Variants in EPB41L1 observed in about 807,000 individuals in gnomAD.
EPB41L1 encodes the protein erythrocyte membrane protein band 4.1 like 1.
EPB41L1 carries 29 observed loss-of-function variants against 97.8 expected under a neutral mutation model. The observed-to-expected ratio is 0.30, with a 90% CI of 0.22 to 0.40. EPB41L1 has a LOEUF of 0.40. EPB41L1 is among the 10% of genes least tolerant of loss of function. EPB41L1 has a pLI of 1.00. For synonymous variants in EPB41L1, 383 were observed against 459.2 expected (o/e 0.83, Z 2.12); for missense variants, 812 against 1,162.3 (o/e 0.70, Z 4.38).
chr20:36,186,463 G>A (rs535955399), intron 7 of EPB41L1, among the ~76,000 whole-genome samples: 16 of 152,262 alleles, frequency 1.1e-4, no homozygotes, highest in Admixed American at 5.2e-4. Flanking sequence ...GATCGTGTAC[G>A]TGGGGAAGAG....
At chr20:36,197,743 G>C in intron 13 of EPB41L1, 116 bp from the exon 14 acceptor site, 5 of 1,593,430 alleles carry the variant, frequency 3.1e-6, no homozygotes, top group Non-Finnish European at 3.4e-6. Context: ...AGGTCAGAGT[G>C]GGAATAACGT....
Position 36,218,883 on chromosome 20 carries a change from G to C in EPB41L1, c.2276G>C (p.Ser759Thr), listed in dbSNP as rs148049431. ...TETISTTMEN[S>T]LKSGKGAAAM... ...GCACTATTGTTTCCCCAGGAGAACA[G>C]TCTCAAGTCCGGGAAGGGGGCAGCT... is the stretch of plus-strand genomic sequence containing the variant. The change falls in exon 18 of 22, where the codon AGT (serine) becomes ACT (threonine). Residue 759 changes from serine to threonine, a missense_variant. Physicochemically the swap from Ser to Thr is moderately conservative, Grantham distance 58. Around this residue, in one of 3 missense-constraint regions of EPB41L1, gnomAD observed 498 missense variants for 622.7 expected, o/e 0.80. Coordinates refer to ENST00000338074, the MANE Select transcript of EPB41L1 (RefSeq NM_012156.2). 1.2e-6 allele frequency: 2 copies of C among 1,614,160 alleles called. No homozygotes were observed. The highest frequency in any genetic ancestry group is 1.1e-5 in the South Asian group (1 of 91,084).
upstream of EPB41L1, among the ~76,000 whole-genome samples, chr20:36,154,055 C>A (rs1206095738): frequency 6.6e-6 from 1 of 152,202 alleles, no homozygotes; most frequent in Admixed American, 6.5e-5. The surrounding 1 kb of genome is among the most constrained non-coding windows in gnomAD (Gnocchi z 5.5). Context: ...CACTGTTACA[C>A]TTACTGTCAT....
intron 1 of EPB41L1, among the ~76,000 whole-genome samples, chr20:36,106,369 G>A (rs140081374): frequency 3.9e-5 from 6 of 152,316 alleles, no homozygotes; most frequent in East Asian, 3.9e-4. Flanking sequence ...GCTGAGCCTC[G>A]GGGTAGGCCC....
At chr20:36,160,446 A>C (rs986824102) in intron 1 of EPB41L1, among the ~76,000 whole-genome samples, 1 of 152,100 alleles carries the variant, frequency 6.6e-6, no homozygotes, top group African/African-American at 2.4e-5. Flanking sequence ...TTAGCCGGGC[A>C]TGGTGGCTGG....
chr20:36,107,181 G>A (rs185916336), intron 1 of EPB41L1, among the ~76,000 whole-genome samples: 24 of 147,460 alleles, frequency 1.6e-4, no homozygotes, highest in Admixed American at 1.4e-4. Context: ...CAAACTATGC[G>A]TGTTTGGAAA....
At chr20:36,196,920 A>G (rs1357256929) in intron 13 of EPB41L1, among the ~76,000 whole-genome samples, 1 of 152,210 alleles carries the variant, frequency 6.6e-6, no homozygotes, top group Admixed American at 6.5e-5. Context: ...GTCATGCTGC[A>G]CTGGCTGGGA....
intron 2 of EPB41L1, among the ~76,000 whole-genome samples, chr20:36,114,611 G>A (rs2058527364): frequency 6.6e-6 from 1 of 152,138 alleles, no homozygotes; most frequent in South Asian, 2.1e-4. Flanking sequence ...ACCAAAAAAT[G>A]ACTTTAGTGG....
intron 2 of EPB41L1, among the ~76,000 whole-genome samples, chr20:36,129,898 G>A (rs570615053): frequency 2.0e-5 from 3 of 151,700 alleles, no homozygotes; most frequent in Non-Finnish European, 2.9e-5. Flanking sequence ...CAGAGTAGCC[G>A]GGATTACAGA....
chr20:36,232,627 C>T lies in EPB41L1; in HGVS notation c.*3287C>T. 2.5e-6 allele frequency: 1 copy of T among 397,972 alleles called. No individual in the cohort carries two copies. The highest frequency in any genetic ancestry group is 3.6e-5 in the East Asian group (1 of 28,068). 24.7% of individuals were successfully genotyped at this position (397,972 alleles called of 1,614,324 possible). A position where few individuals can be genotyped will look rare whatever the true frequency, so the allele number is the denominator to read the frequency against. ...CATCACTCGAAATAATTTTTTTTTT[C>T]AAAAGCACCTTAACAACCAATTGCG... On this transcript the variant is annotated 3_prime_UTR_variant, in exon 22 of 22. Transcript: ENST00000338074.
At chr20:36,144,362 G>T (rs902931640) in intron 2 of EPB41L1, among the ~76,000 whole-genome samples, 1 of 152,164 alleles carries the variant, frequency 6.6e-6, no homozygotes, top group Non-Finnish European at 1.5e-5. Flanking sequence ...CAGTAGGCAG[G>T]ATCACAGTAC....
At chr20:36,094,372 G>A (rs2057763454) in intron 1 of EPB41L1, among the ~76,000 whole-genome samples, 1 of 152,220 alleles carries the variant, frequency 6.6e-6, no homozygotes, top group African/African-American at 2.4e-5. Context: ...TGGGAATTTA[G>A]TCTGTGGCTT....
intron 19 of EPB41L1, among the ~76,000 whole-genome samples, chr20:36,220,799 G>A (rs1044533139): frequency 2.0e-5 from 3 of 152,158 alleles, no homozygotes; most frequent in Non-Finnish European, 4.4e-5. Flanking sequence ...GGAGGCAGGC[G>A]GGCTGATGCG....
chr20:36,101,578 T>C (rs982752724), intron 1 of EPB41L1, among the ~76,000 whole-genome samples: 7 of 152,164 alleles, frequency 4.6e-5, no homozygotes, highest in Admixed American at 6.5e-5. Context: ...GAAGTTCAAT[T>C]TGTGAAACAC....
chr20:36,210,649 A>G (rs965782950), intron 15 of EPB41L1, among the ~76,000 whole-genome samples: 10 of 151,970 alleles, frequency 6.6e-5, no homozygotes, highest in Non-Finnish European at 1.5e-4. Context: ...TTACAAACCT[A>G]TCATGTTCCA....
chr20:36,122,524 C>T (rs1353321762), intron 2 of EPB41L1, among the ~76,000 whole-genome samples: 1 of 152,240 alleles, frequency 6.6e-6, no homozygotes, highest in East Asian at 1.9e-4. Context: ...AGCTCTGGCA[C>T]AGAGACTGGT....
upstream of EPB41L1, among the ~76,000 whole-genome samples, chr20:36,154,065 T>C (rs995807283): frequency 2.6e-5 from 4 of 152,126 alleles, no homozygotes; most frequent in African/African-American, 7.2e-5. The surrounding 1 kb of genome is among the most constrained non-coding windows in gnomAD (Gnocchi z 5.5). Context: ...CTTACTGTCA[T>C]TGTCACCAAG....
chr20:36,132,671 C>G (rs2059264056), intron 2 of EPB41L1, among the ~76,000 whole-genome samples: 1 of 149,570 alleles, frequency 6.7e-6, no homozygotes, highest in Admixed American at 6.7e-5. Flanking sequence ...CACTAGCCTC[C>G]AAGATGGAGG....
intron 17 of EPB41L1, among the ~76,000 whole-genome samples, chr20:36,216,109 T>C (rs894054051): frequency 6.6e-6 from 1 of 152,210 alleles, no homozygotes; most frequent in Non-Finnish European, 1.5e-5. Flanking sequence ...TGAGCTGCAG[T>C]TACTTCTTTC....
Sources: gnomAD v4.1 joint callset for allele counts (sites outside exome capture counted in the v4.1 genomes callset) on GRCh38, gnomAD v4.1.1 for gene constraint, gnomAD v4.1.1 regional missense constraint, Gnocchi (gnomAD v3.1) non-coding constraint, MANE v1.5 for transcripts, NCBI Gene and HGNC (gene_info 2026-07-23, HGNC 2026-07-21) for gene names.